Variants in ABLIM2 observed in about 807,000 individuals in gnomAD.
ABLIM2 encodes the protein actin binding LIM protein family member 2.
Under a neutral mutation model 97.7 loss-of-function variants are expected in ABLIM2, and 53 were observed. That is an observed-to-expected ratio of 0.54 (90% CI 0.44 to 0.68). The LOEUF is 0.68. Among genes scored for constraint, ABLIM2 ranks in the 30% least tolerant of loss-of-function variants. The pLI is 0.00. For synonymous variants in ABLIM2, 361 were observed against 345.8 expected, an observed-to-expected ratio of 1.04 and a Z score of -0.49; for missense variants, 835 against 867.2, an observed-to-expected ratio of 0.96 and a Z score of 0.47.
intron 5 of ABLIM2, among the ~76,000 whole-genome samples, 169 bp from the exon 6 acceptor site, chr4:8,077,890 C>G (rs1249091974): frequency 6.6e-6 from 1 of 152,236 alleles, no homozygotes; most frequent in Non-Finnish European, 1.5e-5. Flanking sequence ...CTCACAGACA[C>G]CAGCCCCATG....
intron 1 of ABLIM2, among the ~76,000 whole-genome samples, chr4:8,117,313 A>G (rs1229103039): frequency 1.3e-5 from 2 of 152,178 alleles, no homozygotes; most frequent in Non-Finnish European, 2.9e-5. Flanking sequence ...ATTTCCAAAG[A>G]AAGCTGCGAC....
chr4:8,117,366 A>G lies in ABLIM2; in HGVS notation c.11-10729T>C, dbSNP rs188316386. ...ACTGCCCCTGCCCACTGCAAGTCACACCTACAGACTCCACCCACCACAGAC... is the reference window on the plus strand; with the variant it reads ...ACTGCCCCTGCCCACTGCAAGTCACGCCTACAGACTCCACCCACCACAGAC... On this transcript the variant is annotated intron_variant, in intron 1 of 20. Coordinates refer to ENST00000447017, the MANE Select transcript of ABLIM2 (RefSeq NM_001130083.2). Among the ~76,000 whole-genome samples the G allele has an allele frequency of 5.7e-4, 86 of 152,190 alleles. 1 individual carries two copies. In the East Asian group the frequency reaches 0.015, roughly 27 times the overall value.
chr4:7,969,695 G>C (rs566001182), intron 20 of ABLIM2, among the ~76,000 whole-genome samples: 25 of 139,326 alleles, frequency 1.8e-4, no homozygotes, highest in African/African-American at 6.6e-4. Context: ...AGTTGAATCT[G>C]GGCTCAGAGT....
At position 8,091,650 on chromosome 4, in the gene ABLIM2, T is replaced by TTATATAATTATATATTATATAAAATTA. The variant is rs1561335394; in HGVS notation, c.339-3393_339-3367dup. Among the ~76,000 whole-genome samples the TTATATAATTATATATTATATAAAATTA allele has an allele frequency of 9.3e-4, 46 of 49,626 alleles. 6 individuals are homozygous for TTATATAATTATATATTATATAAAATTA. Among genetic ancestry groups the TTATATAATTATATATTATATAAAATTA allele is most frequent in the Non-Finnish European group, 1.3e-3 (38 of 28,496 alleles). The allele number at this position is 49,626 out of a possible 152,430, so 32.6% of individuals were successfully genotyped here. On this transcript the variant is annotated intron_variant, in intron 3 of 20. Transcript: ENST00000447017. ...AAAATTATATATATAATTTTATATA[T>TTATATAATTATATATTATATAAAATTA]TATATAATTATATATTATATAAAAT...
intron 20 of ABLIM2, among the ~76,000 whole-genome samples, chr4:7,967,832 G>T (rs1294179894): frequency 2.0e-5 from 3 of 152,242 alleles, no homozygotes; most frequent in Admixed American, 6.5e-5. Context: ...GAGCTGTGGG[G>T]AGGAAGGCGT....
At chr4:8,073,537 G>C (rs1333065535) in intron 6 of ABLIM2, among the ~76,000 whole-genome samples, 2 of 152,046 alleles carry the variant, frequency 1.3e-5, no homozygotes, top group Non-Finnish European at 2.9e-5. Context: ...GGCTGAGCAA[G>C]GGGAGGGGTG....
chr4:8,023,991 C>T lies in ABLIM2; in HGVS notation c.1268-3688G>A, dbSNP rs1278129221. 1.3e-5 allele frequency among the ~76,000 whole-genome samples: 2 copies of T among 152,192 alleles called. No individual in the cohort carries two copies. Among genetic ancestry groups the T allele is most frequent in the Non-Finnish European group, 2.9e-5 (2 of 68,038 alleles). On this transcript the variant is annotated intron_variant, in intron 12 of 20. Transcript: ENST00000447017. This position sits in a 1 kb window ranked among gnomAD's most constrained non-coding sequence, Gnocchi z 5.7. ...AGGATGATGCCCATGCTGCAATGCA[C>T]AGCCACATCCTGGGTCCTCAACCAC...
chr4:7,990,791 C>A (rs1578081814), intron 17 of ABLIM2, among the ~76,000 whole-genome samples: 1 of 152,122 alleles, frequency 6.6e-6, no homozygotes, highest in African/African-American at 2.4e-5. Flanking sequence ...TGTGAAAGAT[C>A]AAGTATCTGG....
chr4:8,109,225 G>A (rs1465302160), intron 1 of ABLIM2, among the ~76,000 whole-genome samples: 1 of 152,228 alleles, frequency 6.6e-6, no homozygotes, highest in African/African-American at 2.4e-5. Context: ...AGCCAGGGGT[G>A]CTGCAGATGC....
intron 17 of ABLIM2, among the ~76,000 whole-genome samples, chr4:7,985,206 T>C (rs1313026350): frequency 6.6e-6 from 1 of 152,208 alleles, no homozygotes; most frequent in African/African-American, 2.4e-5. Context: ...CCCAGGTGCC[T>C]GAGTTCCCCA....
chr4:8,135,599 G>C (rs1850074032), intron 1 of ABLIM2, among the ~76,000 whole-genome samples: 1 of 152,234 alleles, frequency 6.6e-6, no homozygotes, highest in Admixed American at 6.5e-5. Flanking sequence ...CACTGCATCT[G>C]CTGGTGCCTT....
At position 7,971,356 on chromosome 4, in the gene ABLIM2, G is replaced by C. The variant is rs184418808; in HGVS notation, c.1825-4253C>G. On this transcript the variant is annotated intron_variant, in intron 20 of 20. Transcript: ENST00000447017. ...GCACCTCACCCCCAGGGCCCGCGCA[G>C]GACAAGCACAGCTGGAAGGAAGGAA... Among the ~76,000 whole-genome samples, 479 of 152,292 alleles carry C rather than the reference G, an allele frequency of 3.1e-3. 5 individuals carry two copies. The highest frequency in any genetic ancestry group is 4.8e-3 in the Non-Finnish European group (326 of 68,012).
intron 9 of ABLIM2, 80 bp downstream of exon 9, chr4:8,045,084 G>T (rs1486629826): frequency 2.4e-6 from 3 of 1,270,900 alleles, no homozygotes; most frequent in East Asian, 4.6e-5. Context: ...TCTCTTAGGG[G>T]TGGGCTTAGC....
intron 17 of ABLIM2, among the ~76,000 whole-genome samples, chr4:7,985,635 G>A (rs534024236): frequency 2.0e-5 from 3 of 152,258 alleles, no homozygotes; most frequent in East Asian, 1.9e-4. Context: ...AAGGAGCCCC[G>A]TGTCTGTAAG....
At chr4:8,153,216 T>A (rs1713698409) in intron 1 of ABLIM2, among the ~76,000 whole-genome samples, 1 of 152,082 alleles carries the variant, frequency 6.6e-6, no homozygotes, top group African/African-American at 2.4e-5. Flanking sequence ...AAGCCCAGGG[T>A]GCGGGCCAGG....
chr4:8,082,293 C>A lies in ABLIM2; in HGVS notation c.455-1491G>T, dbSNP rs981776010. ...CCACTATGCGCTGGGTCACACTGAG[C>A]GTATTCCTCCTGCGGGAGCCCCCAT... On this transcript the variant is annotated intron_variant, in intron 4 of 20. Coordinates refer to ENST00000447017, the MANE Select transcript of ABLIM2 (RefSeq NM_001130083.2). This position sits in a 1 kb window ranked among gnomAD's most constrained non-coding sequence, Gnocchi z 5.6. 6.6e-6 allele frequency among the ~76,000 whole-genome samples: 1 copy of A among 152,192 alleles called. No individual in the cohort carries two copies. The highest frequency in any genetic ancestry group is 2.1e-4 in the South Asian group (1 of 4,832).
chr4:8,079,809 G>A (rs1818629286), intron 5 of ABLIM2, among the ~76,000 whole-genome samples: 6 of 152,046 alleles, frequency 3.9e-5, no homozygotes. Flanking sequence ...TTTATCACAG[G>A]GCGTTTTTCA....
intron 1 of ABLIM2, among the ~76,000 whole-genome samples, chr4:8,121,384 C>G (rs148361031): frequency 0.012 from 1,814 of 152,334 alleles, 37 homozygotes; most frequent in African/African-American, 0.039. Flanking sequence ...CAGTCGCTGG[C>G]CCAGGCGCCC....
intron 14 of ABLIM2, among the ~76,000 whole-genome samples, chr4:8,012,140 TCCAC>T (rs1228749101): frequency 1.4e-5 from 2 of 147,606 alleles, no homozygotes; most frequent in South Asian, 2.2e-4. Context: ...CATCCATCCA[TCCAC>T]CCACCCACTC....
Sources: allele counts gnomAD v4.1 joint callset (sites outside exome capture counted in the v4.1 genomes callset), GRCh38; gene constraint gnomAD v4.1.1; non-coding constraint Gnocchi (gnomAD v3.1); transcripts MANE v1.5; gene names NCBI Gene and HGNC (gene_info 2026-07-23, HGNC 2026-07-21).